The following PRIM2 variants were observed in gnomAD, a reference collection of about 807,000 sequenced individuals.
PRIM2 encodes DNA primase subunit 2, also known as DNA primase large subunit.
Under a neutral mutation model 67.3 loss-of-function variants are expected in PRIM2, and 39 were observed. The observed-to-expected ratio is 0.58, with a 90% CI of 0.45 to 0.76. PRIM2 has a LOEUF of 0.76. Among genes scored for constraint, PRIM2 ranks in the 30% least tolerant of loss-of-function variants. The probability of loss-of-function intolerance (pLI) is 0.00; values close to 1 mark genes in which losing one functional copy is unlikely to be tolerated. For synonymous variants in PRIM2, 143 were observed against 198.7 expected (o/e 0.72, Z 2.36); for missense variants, 398 against 598.7 (o/e 0.66, Z 3.50).
chr6:57,462,784 A>G (rs11756042), intron 7 of PRIM2, among the ~76,000 whole-genome samples: 1 of 152,190 alleles, frequency 6.6e-6, no homozygotes, highest in African/African-American at 2.4e-5. Context: ...TATTTTTAAC[A>G]AAACTCTGAT....
intron 10 of PRIM2, among the ~76,000 whole-genome samples, chr6:57,570,712 A>G (rs1391808934): frequency 6.6e-6 from 1 of 152,122 alleles, no homozygotes; most frequent in Non-Finnish European, 1.5e-5. Flanking sequence ...ATGGTTAGAA[A>G]ATAACTTTTA....
intron 7 of PRIM2, chr6:57,382,399 A>C: frequency 2.8e-6 from 1 of 355,998 alleles, no homozygotes; most frequent in Non-Finnish European, 5.0e-6. Context: ...ACCAATGCTG[A>C]GTGATTAATT....
Position 57,490,551 on chromosome 6 carries a change from A to C in PRIM2, c.694-16836A>C, listed in dbSNP as rs1168698901. On this transcript the variant is annotated intron_variant, in intron 7 of 13. Coordinates refer to ENST00000615550, the MANE Select transcript of PRIM2 (RefSeq NM_000947.5). ...GAGGGATCAATAATTAAAAATAAAC[A>C]TAATAAATGTATTCAGCAATAAAGG... is the stretch of plus-strand genomic sequence containing the variant. 3.9e-5 allele frequency among the ~76,000 whole-genome samples: 6 copies of C among 152,240 alleles called. No homozygotes were observed. The East Asian group carries it at 7.7e-4, about 20-fold the overall frequency.
At chr6:57,642,591 C>T (rs1178446920) in intron 13 of PRIM2, among the ~76,000 whole-genome samples, 15 of 151,150 alleles carry the variant, frequency 9.9e-5, no homozygotes, top group South Asian at 6.3e-4. Flanking sequence ...TACAGGCACG[C>T]GCCACCATGC....
chr6:57,434,716 A>T (rs1369487428), intron 7 of PRIM2, among the ~76,000 whole-genome samples: 1 of 151,742 alleles, frequency 6.6e-6, no homozygotes, highest in African/African-American at 2.4e-5. Flanking sequence ...TGGGTTTCTG[A>T]AAGTGTAGTG....
the PRIM2 span, among the ~76,000 whole-genome samples, chr6:57,302,052 T>G: frequency 6.6e-6 from 1 of 152,194 alleles, no homozygotes; most frequent in Admixed American, 6.5e-5. Flanking sequence ...AGTCTCACTC[T>G]TAGGGGTCAC....
intron 8 of PRIM2, among the ~76,000 whole-genome samples, chr6:57,510,980 T>C (rs1774354967): frequency 6.6e-6 from 1 of 152,130 alleles, no homozygotes; most frequent in African/African-American, 2.4e-5. Context: ...ACCGAGATCA[T>C]TATTAGGTCT....
the PRIM2 span, among the ~76,000 whole-genome samples, chr6:57,255,451 T>C: frequency 6.9e-6 from 1 of 144,636 alleles, no homozygotes; most frequent in Non-Finnish European, 1.5e-5. Context: ...TGAGCTGAGA[T>C]CCCGCCACTG....
chr6:57,397,063 A>G (rs567273401), intron 7 of PRIM2, among the ~76,000 whole-genome samples: 1 of 152,248 alleles, frequency 6.6e-6, no homozygotes, highest in South Asian at 2.1e-4. Context: ...TTTCTTTTAT[A>G]GGTTACCTGG....
chr6:57,601,500 A>G (rs1284896671), intron 11 of PRIM2, among the ~76,000 whole-genome samples: 1 of 152,186 alleles, frequency 6.6e-6, no homozygotes, highest in East Asian at 1.9e-4. Context: ...TGTCTCCCTC[A>G]TCTTCTGCAG....
In PRIM2 at chr6:57,432,065, T is replaced by C. The variant is rs570028510; in HGVS notation, c.693+49897T>C. ...TGAATGTATTCTAAGCCAAGTAATA[T>C]GTTATCACCAATTTAGCCTTTTTAC... On this transcript the variant is annotated intron_variant, in intron 7 of 13. Coordinates refer to ENST00000615550, the MANE Select transcript of PRIM2 (RefSeq NM_000947.5). Among the ~76,000 whole-genome samples, 137 of 152,336 alleles carry C rather than the reference T, an allele frequency of 9.0e-4. 1 individual carries two copies. Among genetic ancestry groups the C allele is most frequent in the African/African-American group, 3.2e-3 (131 of 41,582 alleles).
chr6:57,276,759 C>T, the PRIM2 span, among the ~76,000 whole-genome samples: 1 of 151,174 alleles, frequency 6.6e-6, no homozygotes, highest in East Asian at 2.0e-4. Context: ...ATTAGCTGGG[C>T]GTGGTGGTGC....
chr6:57,286,816 C>T, the PRIM2 span, among the ~76,000 whole-genome samples: 5 of 152,290 alleles, frequency 3.3e-5, no homozygotes, highest in African/African-American at 1.2e-4. Flanking sequence ...TCAGAGTGAA[C>T]AGGCAACCTA....
At chr6:57,337,487 G>T (rs1258598189) in intron 5 of PRIM2, among the ~76,000 whole-genome samples, 2 of 151,472 alleles carry the variant, frequency 1.3e-5, no homozygotes, top group African/African-American at 2.4e-5. Context: ...AAATGTAAAA[G>T]AACAGAAATT....
chr6:57,474,148 T>A (rs1307946852), intron 7 of PRIM2, among the ~76,000 whole-genome samples: 1 of 151,420 alleles, frequency 6.6e-6, no homozygotes, highest in African/African-American at 2.4e-5. Flanking sequence ...GTGTTTGCTA[T>A]CTACTTTTTC....
chr6:57,603,290 T>C (rs1776503111), intron 11 of PRIM2, among the ~76,000 whole-genome samples: 2 of 152,236 alleles, frequency 1.3e-5, no homozygotes, highest in African/African-American at 4.8e-5. Context: ...TCCAAGGATT[T>C]TCCCCAGTCA....
intron 5 of PRIM2, among the ~76,000 whole-genome samples, chr6:57,371,127 G>GTTT (rs61081693): frequency 1.6e-5 from 2 of 126,182 alleles, no homozygotes. Context: ...CTTGAGGTTT[G>GTTT]TTTTTTTTTT....
At chr6:57,334,594 T>G (rs911566773) in intron 5 of PRIM2, among the ~76,000 whole-genome samples, 1 of 152,122 alleles carries the variant, frequency 6.6e-6, no homozygotes, top group African/African-American at 2.4e-5. Context: ...AGCCCAGGTG[T>G]TGGAGGCTAC....
intron 7 of PRIM2, among the ~76,000 whole-genome samples, chr6:57,503,755 TA>T (rs1200599349): frequency 3.6e-4 from 53 of 146,016 alleles, no homozygotes; most frequent in South Asian, 6.5e-4. Context: ...GGCTCTGTCT[TA>T]AAAAAAAAAA....
Sources: allele counts gnomAD v4.1 joint callset (sites outside exome capture counted in the v4.1 genomes callset), GRCh38; gene constraint gnomAD v4.1.1; transcripts MANE v1.5; gene names NCBI Gene and HGNC (gene_info 2026-07-23, HGNC 2026-07-21).